Variants in FAM110B observed in about 807,000 individuals in gnomAD.
FAM110B encodes the protein protein FAM110B.
FAM110B carries 6 observed loss-of-function variants against 20.4 expected under a neutral mutation model. The ratio of observed to expected loss-of-function variants is 0.29; its 90% CI spans 0.16 to 0.58. FAM110B has a LOEUF of 0.58. FAM110B is among the 20% of genes least tolerant of loss of function. FAM110B has a pLI of 0.90. For synonymous variants in FAM110B, 226 were observed against 214.1 expected (o/e 1.06, Z -0.49); for missense variants, 434 against 498.2 (o/e 0.87, Z 1.23).
intron 1 of FAM110B, among the ~76,000 whole-genome samples, chr8:58,017,289 A>G (rs1315542957): frequency 6.6e-6 from 1 of 152,240 alleles, no homozygotes; most frequent in African/African-American, 2.4e-5. Context: ...AGACTGGCTG[A>G]GGGATATTAA....
chr8:58,076,405 C>T (rs1468645859), intron 3 of FAM110B, among the ~76,000 whole-genome samples: 3 of 152,158 alleles, frequency 2.0e-5, no homozygotes, highest in Admixed American at 2.0e-4. Context: ...AATTCCAGTC[C>T]AGGAACTGAG....
chr8:58,029,284 C>G (rs1021187484), intron 1 of FAM110B, among the ~76,000 whole-genome samples: 2 of 152,176 alleles, frequency 1.3e-5, no homozygotes, highest in African/African-American at 4.8e-5. Context: ...TGTGTTGCAG[C>G]AAACCTATGA....
chr8:58,025,341 A>G (rs1289362049), intron 1 of FAM110B, among the ~76,000 whole-genome samples: 1 of 152,126 alleles, frequency 6.6e-6, no homozygotes, highest in Non-Finnish European at 1.5e-5. Flanking sequence ...CAGGGGTATT[A>G]TTTCAGACAG....
In FAM110B at chr8:58,129,025, G is replaced by C. The variant is rs553654160; in HGVS notation, c.-324-16882G>C. ...GAGTTCTAGAAACAACGCTGGGAGT[G>C]ATCCAGAATGCCTTAGTAAATAAAA... On this transcript the variant is annotated intron_variant, in intron 3 of 3. Coordinates refer to ENST00000519262, the MANE Select transcript of FAM110B (RefSeq NM_001377989.1). Among the ~76,000 whole-genome samples the C allele has an allele frequency of 1.0e-3, 154 of 152,322 alleles. 2 individuals are homozygous for C. Among genetic ancestry groups the C allele is most frequent in the African/African-American group, 3.5e-3 (147 of 41,562 alleles).
intron 3 of FAM110B, among the ~76,000 whole-genome samples, chr8:58,129,687 A>G (rs1803402597): frequency 6.6e-6 from 1 of 152,196 alleles, no homozygotes. Flanking sequence ...GATTGCGGCT[A>G]CTAGAACAGG....
At chr8:58,140,450 C>T (rs1803714904) in intron 3 of FAM110B, among the ~76,000 whole-genome samples, 1 of 152,152 alleles carries the variant, frequency 6.6e-6, no homozygotes, top group South Asian at 2.1e-4. Flanking sequence ...CTGCCCAAGG[C>T]TACTCAACCA....
At chr8:58,025,803 A>G (rs1804844488) in intron 1 of FAM110B, among the ~76,000 whole-genome samples, 1 of 152,194 alleles carries the variant, frequency 6.6e-6, no homozygotes, top group Non-Finnish European at 1.5e-5. Context: ...TAACCTCTCT[A>G]TAACTTCTGC....
Position 58,146,132 on chromosome 8 carries a change from C to T in FAM110B, c.-99C>T. The T allele has an allele frequency of 1.4e-6, 2 of 1,422,206 alleles. No individual in the cohort carries two copies. The highest frequency in any genetic ancestry group is 1.5e-5 in the South Asian group (1 of 68,696). 88.1% of individuals were successfully genotyped at this position (1,422,206 alleles called of 1,614,324 possible). ...TGCTGACACTCGCTCCCAGGCTGCA[C>T]CCGCCGCCCTTGGCGCTTCATGTAC... is the stretch of plus-strand genomic sequence containing the variant. On this transcript the variant is annotated 5_prime_UTR_variant, in exon 4 of 4. Transcript: ENST00000519262.
chr8:58,050,119 T>C (rs1338475431), intron 2 of FAM110B, among the ~76,000 whole-genome samples: 2 of 152,186 alleles, frequency 1.3e-5, no homozygotes, highest in Non-Finnish European at 2.9e-5. Context: ...AAAATAGTCA[T>C]TGTCATTAAG....
At chr8:58,019,336 C>CAAAAAAAAA (rs61622368) in intron 1 of FAM110B, among the ~76,000 whole-genome samples, 1 of 78,374 alleles carries the variant, frequency 1.3e-5, no homozygotes. Flanking sequence ...GACTCTGTCT[C>CAAAAAAAAA]AAAAAAAAAA....
intron 1 of FAM110B, among the ~76,000 whole-genome samples, chr8:58,012,118 G>C (rs1306516742): frequency 6.6e-6 from 1 of 152,182 alleles, no homozygotes; most frequent in African/African-American, 2.4e-5. Flanking sequence ...TTAGAAAGAT[G>C]AACAGTCAAC....
At chr8:58,034,501 G>A (rs188105820) in intron 2 of FAM110B, among the ~76,000 whole-genome samples, 2 of 152,218 alleles carry the variant, frequency 1.3e-5, no homozygotes, top group Non-Finnish European at 2.9e-5. Flanking sequence ...TAAGAGTGTG[G>A]GCTTTAATGT....
At chr8:58,026,848 T>C (rs745323093) in intron 1 of FAM110B, among the ~76,000 whole-genome samples, 3 of 152,224 alleles carry the variant, frequency 2.0e-5, no homozygotes, top group East Asian at 3.8e-4. Context: ...ATAGGTCACA[T>C]GTATAGAAAA....
At chr8:58,081,352 G>T (rs1055783548) in intron 3 of FAM110B, among the ~76,000 whole-genome samples, 1 of 152,092 alleles carries the variant, frequency 6.6e-6, no homozygotes, top group African/African-American at 2.4e-5. Flanking sequence ...GATTGCAGGC[G>T]TGTGCTACCA....
At chr8:58,037,021 T>C (rs1394163869) in intron 2 of FAM110B, among the ~76,000 whole-genome samples, 1 of 152,144 alleles carries the variant, frequency 6.6e-6, no homozygotes, top group Non-Finnish European at 1.5e-5. Flanking sequence ...AGTGTTTGAG[T>C]AAAGGGGAAG....
At chr8:58,111,002 A>T (rs1213999976) in intron 3 of FAM110B, among the ~76,000 whole-genome samples, 1 of 152,220 alleles carries the variant, frequency 6.6e-6, no homozygotes, top group Non-Finnish European at 1.5e-5. Flanking sequence ...GTTATTTTTA[A>T]ATCTGTGAAA....
intron 3 of FAM110B, among the ~76,000 whole-genome samples, chr8:58,095,955 A>G (rs907127713): frequency 2.6e-5 from 4 of 152,120 alleles, no homozygotes; most frequent in African/African-American, 9.7e-5. Flanking sequence ...TAGGATAGTT[A>G]GCTCTTCTTG....
Position 58,117,734 on chromosome 8 carries a change from C to T in FAM110B, c.-324-28173C>T, listed in dbSNP as rs80019244. On this transcript the variant is annotated intron_variant, in intron 3 of 3. Coordinates refer to ENST00000519262, the MANE Select transcript of FAM110B (RefSeq NM_001377989.1). The stretch of plus-strand genomic sequence containing the variant: ...GAGTGGTTCTGGCACATAGTAAGCA[C>T]GGTCTGAGTGCTATTTCTATAATCA... 6.1e-4 allele frequency among the ~76,000 whole-genome samples: 93 copies of T among 152,230 alleles called. 1 individual carries two copies. The East Asian group carries it at 0.016, about 27-fold the overall frequency.
intron 3 of FAM110B, among the ~76,000 whole-genome samples, chr8:58,130,784 C>T (rs73682160): frequency 0.038 from 5,842 of 152,266 alleles, 388 homozygotes; most frequent in African/African-American, 0.13. Flanking sequence ...AGAAGCAGTA[C>T]GTTCTTCCTC....
Sources: allele counts gnomAD v4.1 joint callset (sites outside exome capture counted in the v4.1 genomes callset), GRCh38; gene constraint gnomAD v4.1.1; transcripts MANE v1.5; gene names NCBI Gene and HGNC (gene_info 2026-07-23, HGNC 2026-07-21).